SPRR2F: variants seen among roughly 807,000 people sequenced by gnomAD.
The protein encoded by SPRR2F is small proline-rich protein 2F.
In SPRR2F, 2 loss-of-function variants were observed where a neutral mutation model predicts 0.8. That is an observed-to-expected ratio of 2.52 (90% CI 1.03 to 7.95). The LOEUF is 7.95. Among genes scored for constraint, SPRR2F ranks in the 30% most tolerant of loss-of-function variants. The probability of loss-of-function intolerance (pLI) is 0.04; values close to 1 mark genes in which losing one functional copy is unlikely to be tolerated. For missense variants in SPRR2F, 80 were observed against 85.8 expected, an observed-to-expected ratio of 0.93 and a Z score of 0.27; for synonymous variants, 39 against 33.4, an observed-to-expected ratio of 1.17 and a Z score of -0.58.
At chr1:153,114,586 A>C (rs1333815518), upstream of SPRR2F, among the ~76,000 whole-genome samples, 1 of 152,158 alleles carries the variant, frequency 6.6e-6, no homozygotes, top group Non-Finnish European at 1.5e-5. Context: ...ATACAAATTA[A>C]GTATAATCTA....
chr1:153,114,140 T>G (rs1655670567), upstream of SPRR2F, among the ~76,000 whole-genome samples: 2 of 151,618 alleles, frequency 1.3e-5, no homozygotes, highest in Non-Finnish European at 2.9e-5. Context: ...CTGCTGACCC[T>G]GTTCAAGCCA....
At chr1:153,115,256 AGGGGAC>A (rs1655700763), upstream of SPRR2F, among the ~76,000 whole-genome samples, 1 of 152,202 alleles carries the variant, frequency 6.6e-6, no homozygotes, top group South Asian at 2.1e-4. Context: ...TAAGCACATC[AGGGGAC>A]AAAGTAAAGG....
upstream of SPRR2F, among the ~76,000 whole-genome samples, chr1:153,117,308 T>C (rs1655738006): frequency 6.6e-6 from 1 of 152,036 alleles, no homozygotes; most frequent in Non-Finnish European, 1.5e-5. Context: ...TGTTCTTAGT[T>C]ATTTGGACTA....
In SPRR2F at chr1:153,112,324, G is replaced by GT. The variant is rs1655605133; in HGVS notation, c.*190dup. The GT allele has an allele frequency of 6.4e-6, 7 of 1,091,582 alleles. No homozygotes were observed. Among genetic ancestry groups the GT allele is most frequent in the South Asian group, 5.2e-5 (3 of 58,076 alleles). The allele number at this position is 1,091,582 out of a possible 1,614,324, so 67.6% of individuals were successfully genotyped here. ...CCTTTGCTCAGTCTCCACCTGGACAGTGGCAGTATGGCAGCCTCAAAAAGA... is the reference window on the plus strand; with the variant it reads ...CCTTTGCTCAGTCTCCACCTGGACAGTTGGCAGTATGGCAGCCTCAAAAAGA... On this transcript the variant is annotated 3_prime_UTR_variant, in exon 2 of 2. Coordinates refer to ENST00000468739, the MANE Select transcript of SPRR2F (RefSeq NM_001014450.3).
chr1:153,117,791 A>G (rs987996562), upstream of SPRR2F, among the ~76,000 whole-genome samples: 2 of 152,080 alleles, frequency 1.3e-5, no homozygotes, highest in Non-Finnish European at 1.5e-5. Context: ...TTTTTAAGAC[A>G]GTGAATGTGC....
chr1:153,119,080 A>G, the SPRR2F span, among the ~76,000 whole-genome samples: 1 of 152,216 alleles, frequency 6.6e-6, no homozygotes, highest in South Asian at 2.1e-4. Context: ...TAACCCCAAA[A>G]TAAATATCTA....
At chr1:153,113,174 G>A (rs529693761) in intron 1 of SPRR2F, among the ~76,000 whole-genome samples, 108 of 152,188 alleles carry the variant, frequency 7.1e-4, no homozygotes, top group Non-Finnish European at 1.4e-3. Context: ...CACCTGCTAC[G>A]ACATAAACCT....
upstream of SPRR2F, among the ~76,000 whole-genome samples, chr1:153,114,117 C>T (rs1243319050): frequency 1.3e-5 from 2 of 148,944 alleles, no homozygotes; most frequent in African/African-American, 2.5e-5. Flanking sequence ...GGGAGCTGAC[C>T]GCATTGTGCC....
In SPRR2F at chr1:153,112,411, T is replaced by C. The variant is rs767821982; in HGVS notation, c.*104A>G. On this transcript the variant is annotated 3_prime_UTR_variant, in exon 2 of 2. Coordinates refer to ENST00000468739, the MANE Select transcript of SPRR2F (RefSeq NM_001014450.3). ...ACAGGCTAAGAGGAAAGAAGCTCCC[T>C]GTGTATCCCTGGATGGCTTTGATGA... 9.1e-5 allele frequency: 138 copies of C among 1,514,140 alleles called. No homozygotes were observed. The Middle Eastern group carries it at 1.2e-3, about 14-fold the overall frequency. The allele number at this position is 1,514,140 out of a possible 1,614,324, so 93.8% of individuals were successfully genotyped here. A position where few individuals can be genotyped will look rare whatever the true frequency, so the allele number is the denominator to read the frequency against.
chr1:153,119,333 G>A, the SPRR2F span, among the ~76,000 whole-genome samples: 2 of 152,216 alleles, frequency 1.3e-5, no homozygotes, highest in African/African-American at 4.8e-5. Context: ...CCAACTCTAT[G>A]CTATTTAAGA....
At chr1:153,113,398 C>G (rs1290360724) in intron 1 of SPRR2F, 76 bp downstream of exon 1, 1 of 154,516 alleles carries the variant, frequency 6.5e-6, no homozygotes, top group Non-Finnish European at 1.4e-5. Context: ...ATTGGATCAA[C>G]CAAACTTGCT....
chr1:153,118,240 C>T (rs924257884), upstream of SPRR2F, among the ~76,000 whole-genome samples: 2 of 151,972 alleles, frequency 1.3e-5, no homozygotes, highest in Non-Finnish European at 2.9e-5. Flanking sequence ...ATGGAATGAC[C>T]TATCAAGACT....
chr1:153,119,209 G>A, the SPRR2F span, among the ~76,000 whole-genome samples: 33 of 152,204 alleles, frequency 2.2e-4, no homozygotes, highest in African/African-American at 7.0e-4. Context: ...CAGTAAATGC[G>A]GAAGGAAGAC....
upstream of SPRR2F, among the ~76,000 whole-genome samples, chr1:153,117,459 A>C (rs1160727240): frequency 6.6e-6 from 1 of 152,062 alleles, no homozygotes; most frequent in Admixed American, 6.5e-5. Context: ...TCTCTAATCT[A>C]GTTTACTATT....
At chr1:153,116,525 C>G (rs1041196447), upstream of SPRR2F, among the ~76,000 whole-genome samples, 3 of 152,086 alleles carry the variant, frequency 2.0e-5, no homozygotes, top group African/African-American at 7.2e-5. Flanking sequence ...AGATAATGAT[C>G]TTTTTCCTTT....
chr1:153,116,049 G>A (rs1374444134), upstream of SPRR2F, among the ~76,000 whole-genome samples: 3 of 152,122 alleles, frequency 2.0e-5, no homozygotes, highest in African/African-American at 4.8e-5. Flanking sequence ...AAACATGCAA[G>A]AAGAAACAGG....
chr1:153,117,615 C>G (rs535205912), upstream of SPRR2F, among the ~76,000 whole-genome samples: 62 of 152,060 alleles, frequency 4.1e-4, no homozygotes, highest in South Asian at 1.0e-3. Context: ...GAAAATAAGG[C>G]CTGTAAATTC....
At position 153,112,536 on chromosome 1, in the gene SPRR2F, C is replaced by T; in HGVS notation, c.198G>A (p.Lys66=). 6.2e-7 allele frequency: 1 copy of T among 1,612,670 alleles called. No individual in the cohort carries two copies. The highest frequency in any genetic ancestry group is 8.5e-7 in the Non-Finnish European group (1 of 1,179,690). Residue 66 remains lysine, a synonymous_variant, in exon 2 of 2, where the codon AAG becomes AAA. Coordinates refer to ENST00000468739, the MANE Select transcript of SPRR2F (RefSeq NM_001014450.3). ...PVTPSPPCQP[K]CPPKSK is the part of the protein sequence containing the mutation. ...GCTGTTACTTGCTCTTGGGTGGACACTTTGGCTGGCAGGGTGGGGAAGGTG... is the reference window on the plus strand; with the variant it reads ...GCTGTTACTTGCTCTTGGGTGGACATTTTGGCTGGCAGGGTGGGGAAGGTG...
upstream of SPRR2F, among the ~76,000 whole-genome samples, chr1:153,118,508 C>A (rs999885931): frequency 1.3e-5 from 2 of 152,080 alleles, no homozygotes; most frequent in African/African-American, 4.8e-5. Context: ...CTTAATAAGA[C>A]TGTTGACCAA....
Sources: allele counts gnomAD v4.1 joint callset (sites outside exome capture counted in the v4.1 genomes callset), GRCh38; gene constraint gnomAD v4.1.1; transcripts MANE v1.5; gene names NCBI Gene and HGNC (gene_info 2026-07-23, HGNC 2026-07-21).